Variants in ATRX observed in about 807,000 individuals in gnomAD.
ATRX encodes chromatin remodeler ATRX.
ATRX carries 12 observed loss-of-function variants against 172.6 expected under a neutral mutation model. The ratio of observed to expected loss-of-function variants is 0.07; its 90% CI spans 0.04 to 0.11. The LOEUF is 0.11. Among genes scored for constraint, ATRX ranks in the 10% least tolerant of loss-of-function variants. The pLI is 1.00. For synonymous variants in ATRX, 674 were observed against 594.7 expected (o/e 1.13, Z -1.94); for missense variants, 1,368 against 1,767.4 (o/e 0.77, Z 4.05).
intron 1 of ATRX, among the ~76,000 whole-genome samples, chrX:77,759,368 AAAC>A (rs1401354485): frequency 6.3e-5 from 7 of 110,970 alleles, no homozygotes; most frequent in Admixed American, 3.9e-4. Context: ...TAAAAAAAAA[AAAC>A]AACAACTATC....
At chrX:77,685,481 T>C (rs1361722083) in intron 7 of ATRX, among the ~76,000 whole-genome samples, 1 of 112,057 alleles carries the variant, frequency 8.9e-6, no homozygotes, top group Admixed American at 9.5e-5. Context: ...ATCAAAACTA[T>C]AATAAGATAT....
chrX:77,696,654 A>G lies in ATRX; in HGVS notation c.293T>C (p.Leu98Ser). Residue 98 changes from leucine (L) to serine (S), a missense_variant, in exon 5 of 35, where the codon TTG becomes TCG. Coordinates refer to ENST00000373344, the MANE Select transcript of ATRX (RefSeq NM_000489.6). ...KYVESDDEKP[L>S]DDETVNEDAS... ...ATCTTCATTTACAGTTTCATCATCCAAAGGTTTTTCATCATCTGATTCTAC... is the reference window on the plus strand; with the variant it reads ...ATCTTCATTTACAGTTTCATCATCCGAAGGTTTTTCATCATCTGATTCTAC... 2 of 1,200,294 alleles carry G rather than the reference A, an allele frequency of 1.7e-6. No homozygotes were observed. The highest frequency in any genetic ancestry group is 5.9e-5 in the East Asian group (2 of 33,748).
chrX:77,708,531 G>A (rs781958790), intron 2 of ATRX, among the ~76,000 whole-genome samples: 5 of 110,949 alleles, frequency 4.5e-5, no homozygotes, highest in South Asian at 3.8e-4. Flanking sequence ...GTGTGGTGGC[G>A]CACGCCTATA....
chrX:77,673,772 C>T (rs782428697), intron 10 of ATRX, among the ~76,000 whole-genome samples: 1 of 110,769 alleles, frequency 9.0e-6, no homozygotes, highest in Non-Finnish European at 1.9e-5. Flanking sequence ...TGTTGTAAAA[C>T]TTTCACACAA....
chrX:77,740,530 C>A (rs2074812754), intron 1 of ATRX, among the ~76,000 whole-genome samples: 1 of 110,461 alleles, frequency 9.1e-6, no homozygotes, highest in African/African-American at 3.3e-5. Flanking sequence ...CATTATCTAC[C>A]AAGAGGAAAG....
chrX:77,762,014 A>G (rs1266363084), intron 1 of ATRX, among the ~76,000 whole-genome samples: 1 of 111,251 alleles, frequency 9.0e-6, no homozygotes, highest in Non-Finnish European at 1.9e-5. Flanking sequence ...AAGATACGCA[A>G]TGACTTGGCC....
chrX:77,533,585 A>AACACATGG (rs2063654265), intron 30 of ATRX, among the ~76,000 whole-genome samples: 1 of 111,105 alleles, frequency 9.0e-6, no homozygotes, highest in South Asian at 3.9e-4. Context: ...GATCGATGAG[A>AACACATGG]ACACATGGAC....
chrX:77,785,315 A>T (rs1354334420), intron 1 of ATRX, among the ~76,000 whole-genome samples: 2 of 111,146 alleles, frequency 1.8e-5, no homozygotes, highest in African/African-American at 6.6e-5. Flanking sequence ...GTAGTATACT[A>T]GGGTCCTCTG....
At chrX:77,653,014 A>AAAAAAAG (rs1326236579) in intron 14 of ATRX, among the ~76,000 whole-genome samples, 1 of 109,213 alleles carries the variant, frequency 9.2e-6, no homozygotes, top group Non-Finnish European at 1.9e-5. Flanking sequence ...TAAAAAAAAA[A>AAAAAAAG]AAAAAAAGAA....
chrX:77,691,528 G>A (rs1391938991), intron 6 of ATRX, among the ~76,000 whole-genome samples: 1 of 110,985 alleles, frequency 9.0e-6, no homozygotes, highest in Non-Finnish European at 1.9e-5. Context: ...AATTAAACTG[G>A]GAAGAGAATG....
At chrX:77,509,777 G>A (rs1179515116) in intron 34 of ATRX, among the ~76,000 whole-genome samples, 3 of 110,950 alleles carry the variant, frequency 2.7e-5, no homozygotes, top group Non-Finnish European at 5.7e-5. Context: ...CCAGCAGGCA[G>A]AACCCGAGTT....
intron 19 of ATRX, among the ~76,000 whole-genome samples, chrX:77,621,559 G>A (rs1557099971): frequency 1.8e-5 from 2 of 112,056 alleles, no homozygotes; most frequent in African/African-American, 3.2e-5. Flanking sequence ...TGATCTGCCC[G>A]CCTTGGCCTC....
intron 34 of ATRX, among the ~76,000 whole-genome samples, chrX:77,514,281 A>G (rs1245413688): frequency 8.9e-6 from 1 of 112,376 alleles, no homozygotes; most frequent in Non-Finnish European, 1.9e-5. Flanking sequence ...GGAACAACAA[A>G]AAAAAGGTTG....
rs972175417 is a variant in ATRX, at chrX:77,761,586, A to G, written c.20+24396T>C. ...AACATGAATGTTTTGATATACATAT[A>G]CATAGTGAAATGATTACTATGGTCA... is the stretch of plus-strand genomic sequence containing the variant. On this transcript the variant is annotated intron_variant, in intron 1 of 34. Coordinates refer to ENST00000373344, the MANE Select transcript of ATRX (RefSeq NM_000489.6). Among the ~76,000 whole-genome samples, 72 of 111,450 alleles carry G rather than the reference A, an allele frequency of 6.5e-4. 1 individual carries two copies. Among genetic ancestry groups the G allele is most frequent in the African/African-American group, 2.2e-3 (67 of 30,696 alleles).
chrX:77,536,880 G>A (rs1296218671), intron 30 of ATRX, among the ~76,000 whole-genome samples: 1 of 111,278 alleles, frequency 9.0e-6, no homozygotes. Flanking sequence ...CCAAAAAAAG[G>A]TGGTAACTTT....
rs188407183 is a variant in ATRX at position 77,509,226 on chromosome X, C to T, written c.7201-597G>A. On this transcript the variant is annotated intron_variant, in intron 34 of 34. Coordinates refer to ENST00000373344, the MANE Select transcript of ATRX (RefSeq NM_000489.6). ...TGATCAAGGATCCTGGAATACAGTA[C>T]CCTTTTAAAGAATTATATAACTTAG... 2.1e-3 allele frequency among the ~76,000 whole-genome samples: 235 copies of T among 111,807 alleles called. 3 individuals are homozygous for T. The highest frequency in any genetic ancestry group is 7.3e-3 in the African/African-American group (226 of 30,805).
chrX:77,733,146 T>C (rs1746527810), intron 1 of ATRX, among the ~76,000 whole-genome samples: 1 of 111,683 alleles, frequency 9.0e-6, no homozygotes, highest in South Asian at 3.6e-4. Flanking sequence ...CTGAATGAAA[T>C]TGAAGAGGAC....
intron 34 of ATRX, among the ~76,000 whole-genome samples, chrX:77,509,907 G>T (rs1256414404): frequency 2.0e-5 from 1 of 51,204 alleles, no homozygotes; most frequent in African/African-American, 5.9e-5. Flanking sequence ...CAGTGGACGG[G>T]GGGCGGGGGG....
At chrX:77,635,724 G>A (rs2068316886) in intron 16 of ATRX, among the ~76,000 whole-genome samples, 191 bp downstream of exon 16, 1 of 111,753 alleles carries the variant, frequency 8.9e-6, no homozygotes, top group Non-Finnish European at 1.9e-5. Context: ...AACGCTCATT[G>A]TGTTTGAAAT....
Sources: gnomAD v4.1 joint callset for allele counts (sites outside exome capture counted in the v4.1 genomes callset) on GRCh38, gnomAD v4.1.1 for gene constraint, MANE v1.5 for transcripts, NCBI Gene and HGNC (gene_info 2026-07-23, HGNC 2026-07-21) for gene names.